Variants in LY86 observed in about 807,000 individuals in gnomAD.
LY86 encodes the protein lymphocyte antigen 86, also known as MD-1, RP105-associated.
Under a neutral mutation model 17.3 loss-of-function variants are expected in LY86, and 20 were observed. The ratio of observed to expected loss-of-function variants is 1.15; its 90% CI spans 0.81 to 1.68. LY86 has a LOEUF of 1.68. Among genes scored for constraint, LY86 ranks in the 40% most tolerant of loss-of-function variants. The probability of loss-of-function intolerance (pLI) is 0.00; values close to 1 mark genes in which losing one functional copy is unlikely to be tolerated. For missense variants in LY86, 200 were observed against 191.9 expected, an observed-to-expected ratio of 1.04 and a Z score of -0.25; for synonymous variants, 74 against 70.6, an observed-to-expected ratio of 1.05 and a Z score of -0.24.
chr6:6,592,006 G>A (rs929782774), intron 1 of LY86, among the ~76,000 whole-genome samples: 1 of 152,172 alleles, frequency 6.6e-6, no homozygotes, highest in African/African-American at 2.4e-5. Flanking sequence ...TTGGCCAGGA[G>A]GTTGCATTTT....
intron 3 of LY86, among the ~76,000 whole-genome samples, chr6:6,649,084 C>T (rs1041833550): frequency 1.3e-5 from 2 of 152,192 alleles, no homozygotes; most frequent in Non-Finnish European, 1.5e-5. Flanking sequence ...TTCCAGAGGG[C>T]TGGGGAGGCC....
chr6:6,588,996 A>C, intron 1 of LY86, 126 bp downstream of exon 1: 1 of 1,274,646 alleles, frequency 7.8e-7, no homozygotes, highest in Non-Finnish European at 1.1e-6. Flanking sequence ...CACTTTCTCC[A>C]CCTGCAGCAG....
chr6:6,612,735 C>T (rs926920925), intron 1 of LY86, among the ~76,000 whole-genome samples: 7 of 152,200 alleles, frequency 4.6e-5, no homozygotes, highest in Non-Finnish European at 1.0e-4. Flanking sequence ...TGCAAAAGTT[C>T]TCCAGTTCCC....
chr6:6,646,775 C>G (rs1275044173), intron 3 of LY86, among the ~76,000 whole-genome samples: 2 of 152,208 alleles, frequency 1.3e-5, no homozygotes, highest in Non-Finnish European at 2.9e-5. Flanking sequence ...AACCCAACAG[C>G]CTTCACTTTC....
At chr6:6,605,847 C>A (rs533068546) in intron 1 of LY86, among the ~76,000 whole-genome samples, 1 of 152,140 alleles carries the variant, frequency 6.6e-6, no homozygotes, top group African/African-American at 2.4e-5. Flanking sequence ...AATGTTACAG[C>A]TCTTAAGGGG....
At chr6:6,592,421 T>G (rs561911977) in intron 1 of LY86, among the ~76,000 whole-genome samples, 1 of 152,118 alleles carries the variant, frequency 6.6e-6, no homozygotes, top group Non-Finnish European at 1.5e-5. Context: ...CCCACCGATA[T>G]ATTTATTTAT....
At chr6:6,594,865 A>G (rs902086728) in intron 1 of LY86, among the ~76,000 whole-genome samples, 7 of 152,222 alleles carry the variant, frequency 4.6e-5, no homozygotes, top group Admixed American at 1.3e-4. Context: ...GCGTACACAC[A>G]TTAAGCATTT....
intron 1 of LY86, among the ~76,000 whole-genome samples, chr6:6,601,396 G>A (rs1231182236): frequency 1.3e-5 from 2 of 152,220 alleles, no homozygotes; most frequent in African/African-American, 2.4e-5. Flanking sequence ...GATGAAGAGG[G>A]TAAGCTGCAA....
intron 1 of LY86, among the ~76,000 whole-genome samples, chr6:6,612,304 C>T (rs1049689084): frequency 2.0e-5 from 3 of 152,176 alleles, no homozygotes; most frequent in African/African-American, 7.2e-5. Context: ...AGTGGCCTTG[C>T]TAACTTCAGG....
chr6:6,648,524 A>G (rs1762139562), intron 3 of LY86, among the ~76,000 whole-genome samples: 2 of 152,230 alleles, frequency 1.3e-5, no homozygotes, highest in South Asian at 4.2e-4. Flanking sequence ...ATCTTCCCCC[A>G]GCTATTTAAA....
intron 1 of LY86, among the ~76,000 whole-genome samples, chr6:6,613,865 A>C (rs1581242653): frequency 6.6e-6 from 1 of 152,268 alleles, no homozygotes; most frequent in Non-Finnish European, 1.5e-5. Context: ...CTCCTCGAAC[A>C]CTTAACCAGC....
chr6:6,653,155 G>A (rs184368916), intron 4 of LY86, among the ~76,000 whole-genome samples: 52 of 152,322 alleles, frequency 3.4e-4, no homozygotes, highest in African/African-American at 1.1e-3. Flanking sequence ...GCACCATCCA[G>A]AGCACAGCCT....
At chr6:6,625,257 T>C (rs1342183052) in intron 2 of LY86, among the ~76,000 whole-genome samples, 1 of 152,172 alleles carries the variant, frequency 6.6e-6, no homozygotes, top group African/African-American at 2.4e-5. Flanking sequence ...ATTTGGATGA[T>C]ATAAGCACCT....
intron 3 of LY86, among the ~76,000 whole-genome samples, chr6:6,632,959 A>C (rs1166049143): frequency 6.6e-6 from 1 of 152,194 alleles, no homozygotes; most frequent in Non-Finnish European, 1.5e-5. Context: ...AATGGAGTCA[A>C]GTTCACTCCA....
rs34637229 is a variant in LY86, at chr6:6,590,118, T to TAAAAAA, written c.136+1267_136+1272dup. ...GGGCAAGAGGAGCGAAACTCTGTCT[T>TAAAAAA]AAAAAAAAAAAAAAAAAAAAAAAAG... is the stretch of plus-strand genomic sequence containing the variant. On this transcript the variant is annotated intron_variant, in intron 1 of 4. Coordinates refer to ENST00000230568, the MANE Select transcript of LY86 (RefSeq NM_004271.4). Among the ~76,000 whole-genome samples, 751 of 80,558 alleles carry TAAAAAA rather than the reference T, an allele frequency of 9.3e-3. 28 individuals are homozygous for TAAAAAA. The East Asian group carries it at 0.12, about 13-fold the overall frequency. The allele number at this position is 80,558 out of a possible 152,430, so 52.8% of individuals were successfully genotyped here.
At chr6:6,628,743 CCTAT>C (rs989487735) in intron 3 of LY86, among the ~76,000 whole-genome samples, 1 of 152,194 alleles carries the variant, frequency 6.6e-6, no homozygotes, top group Admixed American at 6.5e-5. Context: ...ATTTCTTGCT[CCTAT>C]CTGTCTCTGC....
chr6:6,593,384 C>G (rs1760591905), intron 1 of LY86, among the ~76,000 whole-genome samples: 1 of 151,552 alleles, frequency 6.6e-6, no homozygotes, highest in Non-Finnish European at 1.5e-5. Context: ...AACTCAAGAT[C>G]CTTAATCACA....
intron 3 of LY86, among the ~76,000 whole-genome samples, chr6:6,640,597 T>C (rs9405312): frequency 0.71 from 108,382 of 151,710 alleles, 40,110 homozygotes; most frequent in African/African-American, 0.91. Context: ...GGTGTAGTCC[T>C]GGCTACTTGG....
chr6:6,652,837 C>T (rs984005335), intron 4 of LY86, among the ~76,000 whole-genome samples: 3 of 152,162 alleles, frequency 2.0e-5, no homozygotes, highest in Non-Finnish European at 2.9e-5. Flanking sequence ...AATCTAGAAC[C>T]CCTTCCTTCA....
Sources: gnomAD v4.1 joint callset for allele counts (sites outside exome capture counted in the v4.1 genomes callset) on GRCh38, gnomAD v4.1.1 for gene constraint, MANE v1.5 for transcripts, NCBI Gene and HGNC (gene_info 2026-07-23, HGNC 2026-07-21) for gene names.